BRWD1: variants seen among roughly 807,000 people sequenced by gnomAD.
The protein encoded by BRWD1 is bromodomain and WD repeat-containing protein 1.
A neutral mutation model predicts 251.2 loss-of-function variants in BRWD1; 82 were observed. The ratio of observed to expected loss-of-function variants is 0.33; its 90% CI spans 0.27 to 0.39. The LOEUF is 0.39. Among genes scored for constraint, BRWD1 ranks in the 10% least tolerant of loss-of-function variants. The pLI is 1.00. For synonymous variants in BRWD1, 918 were observed against 902.8 expected (o/e 1.02, Z -0.30); for missense variants, 2,233 against 2,711.6 (o/e 0.82, Z 3.92).
At position 39,189,412 on chromosome 21, in the gene BRWD1, T is replaced by A. The variant is rs2031426423; in HGVS notation, c.*6847A>T. 1.0e-6 allele frequency: 1 copy of A among 970,594 alleles called. No homozygotes were observed. The highest frequency in any genetic ancestry group is 1.1e-4 in the East Asian group (1 of 8,742). The allele number at this position is 970,594 out of a possible 1,614,324, so 60.1% of individuals were successfully genotyped here. ...ACTGACAATTTAGGAACCTAGTAAA[T>A]ACTAATTCTAACACATTTTAATAAA... is the stretch of plus-strand genomic sequence containing the variant. On this transcript the variant is annotated 3_prime_UTR_variant, in exon 41 of 41. Transcript: ENST00000342449.
Position 39,228,542 on chromosome 21 carries a change from G to T in BRWD1, c.3166C>A (p.Arg1056Ser). 2 of 1,612,854 alleles carry T rather than the reference G, an allele frequency of 1.2e-6. No homozygotes were observed. Among genetic ancestry groups the T allele is most frequent in the Non-Finnish European group, 1.7e-6 (2 of 1,179,262 alleles). Residue 1056 changes from arginine to serine, a missense_variant, in exon 27 of 41, where the codon CGT becomes AGT. Transcript: ENST00000342449. ...TGTCTTGCTTCATCATAAAATTGAC[G>T]CAATACAAGAAAGTCAATAACATCT... ...MPDVIDFLVL[R>S]QFYDEARQRN...
At chr21:39,230,587 A>G (rs1319170907) in intron 25 of BRWD1, among the ~76,000 whole-genome samples, 3 of 152,132 alleles carry the variant, frequency 2.0e-5, no homozygotes, top group Non-Finnish European at 4.4e-5. Context: ...TATGTTGTTG[A>G]TTTGCAAACA....
chr21:39,213,988 A>C (rs1296597392), intron 32 of BRWD1, among the ~76,000 whole-genome samples: 1 of 151,868 alleles, frequency 6.6e-6, no homozygotes, highest in Non-Finnish European at 1.5e-5. Context: ...CTGTACACAC[A>C]GGAGAAAAAA....
chr21:39,205,187 A>C lies in BRWD1; in HGVS notation c.4364+921T>G, dbSNP rs148410247. On this transcript the variant is annotated intron_variant, in intron 37 of 40. Transcript: ENST00000342449. ...CAGTCTTAAATTTTTAAAAAAATGC[A>C]TACAGGCTGGGCGCAGTGGCTCACG... 7.9e-5 allele frequency among the ~76,000 whole-genome samples: 12 copies of C among 152,358 alleles called. 1 individual carries two copies. Among genetic ancestry groups the C allele is most frequent in the African/African-American group, 2.9e-4 (12 of 41,588 alleles).
chr21:39,292,143 G>GGA (rs2035835237), intron 8 of BRWD1, among the ~76,000 whole-genome samples: 2 of 94,602 alleles, frequency 2.1e-5, no homozygotes, highest in African/African-American at 4.1e-5. Context: ...GGGGGGGGGG[G>GGA]TCTCACTAAG....
intron 4 of BRWD1, among the ~76,000 whole-genome samples, chr21:39,301,918 A>T (rs2036126544): frequency 6.7e-6 from 1 of 149,644 alleles, no homozygotes. Flanking sequence ...AGGACTATGA[A>T]TCAGAATTCC....
chr21:39,314,049 C>A, upstream of BRWD1: 1 of 455,878 alleles, frequency 2.2e-6, no homozygotes, highest in Non-Finnish European at 4.4e-6. Context: ...GCGGGTTGGG[C>A]AAGGTCGCCC....
At chr21:39,229,457 A>G in intron 25 of BRWD1, 21 bp from the exon 26 acceptor site, 1 of 1,579,776 alleles carries the variant, frequency 6.3e-7, no homozygotes, top group South Asian at 1.1e-5. Flanking sequence ...CATATTTTTT[A>G]ATGGTTAAAA....
chr21:39,313,672 G>GGGGGAGGAAGTAGTTCCTCCGCA (rs758688268), upstream of BRWD1: 1 of 418,414 alleles, frequency 2.4e-6, no homozygotes, highest in African/African-American at 2.1e-5. Context: ...GTTCCTCCGC[G>GGGGGAGGAAGTAGTTCCTCCGCA]GGAGACGAAA....
chr21:39,199,459 C>A lies in BRWD1; in HGVS notation c.4957G>T (p.Glu1653Ter). The A allele has an allele frequency of 6.2e-7, 1 of 1,614,200 alleles. No homozygotes were observed. Among genetic ancestry groups the A allele is most frequent in the Non-Finnish European group, 8.5e-7 (1 of 1,180,036 alleles). Residue 1653 changes from glutamate (E) to a stop codon, truncating the protein, a stop_gained, in exon 40 of 41, where the codon GAA becomes TAA. Transcript: ENST00000342449. LOFTEE classifies it high-confidence loss of function. ...AGCTTCCGACCAGAACAGACACTTT[C>A]AGAGCTAGAATTCTCTTCTACATCA... ...MSDVEENSSSESVCSGRKLPH... is the reference protein window; with the variant it reads ...MSDVEENSSS
chr21:39,186,979 T>C lies in BRWD1; in HGVS notation c.*9280A>G. On this transcript the variant is annotated 3_prime_UTR_variant, in exon 41 of 41. Coordinates refer to ENST00000342449, the MANE Select transcript of BRWD1 (RefSeq NM_033656.4). Reference sequence around the variant, plus strand: ...GAGCAGAATGTAACTGCCAGTTTACTTGTGTACCAATTGTTTTCAGATGCC... The same window carrying C: ...GAGCAGAATGTAACTGCCAGTTTACCTGTGTACCAATTGTTTTCAGATGCC... The C allele has an allele frequency of 6.6e-7, 1 of 1,517,266 alleles. No homozygotes were observed. The highest frequency in any genetic ancestry group is 8.8e-7 in the Non-Finnish European group (1 of 1,138,924). 94.0% of individuals were successfully genotyped at this position (1,517,266 alleles called of 1,614,324 possible).
rs1568860580 is a variant in BRWD1, at chr21:39,202,384, G to C, written c.4526C>G (p.Ala1509Gly). The change falls in exon 38 of 41, where the codon GCA becomes GGA. Residue 1509 changes from alanine to glycine, a missense_variant. Coordinates refer to ENST00000342449, the MANE Select transcript of BRWD1 (RefSeq NM_033656.4). ...TCTTTTCCTCCTTTCTGATGATTCTGCTGAATCTGAAGAGTCACCAGAAGT... is the reference window on the plus strand; with the variant it reads ...TCTTTTCCTCCTTTCTGATGATTCTCCTGAATCTGAAGAGTCACCAGAAGT... ...GVTSGDSSDS[A>G]ESSERRKRNR... is the part of the protein sequence containing the mutation. 1.9e-6 allele frequency: 3 copies of C among 1,613,834 alleles called. No homozygotes were observed. The highest frequency in any genetic ancestry group is 2.5e-6 in the Non-Finnish European group (3 of 1,179,810).
chr21:39,310,760 A>G (rs539780433), intron 4 of BRWD1, among the ~76,000 whole-genome samples: 118 of 152,334 alleles, frequency 7.7e-4, no homozygotes, highest in African/African-American at 2.7e-3. Flanking sequence ...ATCAGGGCTC[A>G]CTACATCCTC....
intron 21 of BRWD1, among the ~76,000 whole-genome samples, chr21:39,242,877 C>G (rs529403587): frequency 6.6e-6 from 1 of 152,284 alleles, no homozygotes; most frequent in Non-Finnish European, 1.5e-5. Flanking sequence ...ATATTGTAAG[C>G]CCACTGTTCA....
At chr21:39,185,109 T>C (rs1288206617), downstream of BRWD1, 1 of 152,092 alleles carries the variant, frequency 6.6e-6, no homozygotes, top group Non-Finnish European at 1.5e-5. Flanking sequence ...GCTTATTTCA[T>C]GCAGTTACAA....
intron 3 of BRWD1, 80 bp downstream of exon 3, chr21:39,312,992 C>CG (rs2036559090): frequency 1.4e-5 from 15 of 1,037,562 alleles, no homozygotes; most frequent in African/African-American, 1.8e-5. Flanking sequence ...GGGCGGCGGG[C>CG]GGGGGGCGCG....
chr21:39,216,674 TG>T, intron 31 of BRWD1: 1 of 403,830 alleles, frequency 2.5e-6, no homozygotes. Context: ...AGGAATTTCT[TG>T]GGACCTACAA....
intron 23 of BRWD1, among the ~76,000 whole-genome samples, chr21:39,233,266 A>C (rs549859247): frequency 1.3e-5 from 2 of 152,330 alleles, no homozygotes; most frequent in African/African-American, 4.8e-5. Flanking sequence ...AACATGTTGT[A>C]ACCTCATGAG....
rs577607817 is a variant in BRWD1 at position 39,298,854 on chromosome 21, A to C, written c.199-272T>G. ...TTATATGCAAATGACCTGGAAAAGC[A>C]CCTCTGAAAAAGAAAAAAGGTTGCA... is the stretch of plus-strand genomic sequence containing the variant. On this transcript the variant is annotated intron_variant, in intron 4 of 40. Transcript: ENST00000342449. Among the ~76,000 whole-genome samples the C allele has an allele frequency of 2.6e-5, 4 of 152,264 alleles. No homozygotes were observed. In the South Asian group the frequency reaches 8.3e-4, roughly 32 times the overall value.
Sources: gnomAD v4.1 joint callset for allele counts (sites outside exome capture counted in the v4.1 genomes callset) on GRCh38, gnomAD v4.1.1 for gene constraint, MANE v1.5 for transcripts, NCBI Gene and HGNC (gene_info 2026-07-23, HGNC 2026-07-21) for gene names.